RERE: variants seen among roughly 807,000 people sequenced by gnomAD.
RERE encodes the protein arginine-glutamic acid dipeptide repeats.
RERE carries 40 observed loss-of-function variants against 146.1 expected under a neutral mutation model. The observed-to-expected ratio is 0.27, with a 90% CI of 0.21 to 0.36. RERE has a LOEUF of 0.36. Ranked by LOEUF, RERE falls within the 10% of genes least tolerant of loss-of-function variation. The pLI is 1.00. For missense variants in RERE, 1,933 were observed against 2,138.7 expected (o/e 0.90, Z 1.90); for synonymous variants, 1,003 against 866.0 (o/e 1.16, Z -2.78).
rs200389770 is a variant in RERE at position 8,364,770 on chromosome 1, C to T, written c.1516G>A (p.Ala506Thr). Residue 506 changes from alanine (A) to threonine (T), a missense_variant, in exon 14 of 23, where the codon GCC (alanine) becomes ACC (threonine). By Grantham distance (58) the Ala-to-Thr change is moderately conservative (BLOSUM62 0). Around this residue, in one of 11 missense-constraint regions of RERE, gnomAD observed 260 missense variants for 378.4 expected, o/e 0.69. Transcript: ENST00000400908. This position sits in a 1 kb window ranked among gnomAD's most constrained non-coding sequence, Gnocchi z 5.1. ...EDSEQELKGY[A>T]CRHCFTTTSK... is the part of the protein sequence containing the mutation. ...CTGGTGGTGAAGCAGTGGCGGCAGG[C>T]GTACCCCTTCAGCTCCTGCTCACTG... 2.5e-6 allele frequency: 4 copies of T among 1,613,708 alleles called. No homozygotes were observed. Among genetic ancestry groups the T allele is most frequent in the Non-Finnish European group, 3.4e-6 (4 of 1,179,880 alleles).
chr1:8,728,082 T>G, intron 1 of RERE, among the ~76,000 whole-genome samples: 1 of 152,240 alleles, frequency 6.6e-6, no homozygotes, highest in East Asian at 1.9e-4. Flanking sequence ...TTTCAGCTCC[T>G]GGCAGTTCCT....
At chr1:8,809,774 T>G (rs1356118016) in intron 1 of RERE, among the ~76,000 whole-genome samples, 1 of 152,266 alleles carries the variant, frequency 6.6e-6, no homozygotes, top group Non-Finnish European at 1.5e-5. Flanking sequence ...CAGGAAAACT[T>G]TCTGCCTTCA....
chr1:8,490,102 C>A (rs1050074302), intron 10 of RERE, among the ~76,000 whole-genome samples: 1 of 151,010 alleles, frequency 6.6e-6, no homozygotes, highest in African/African-American at 2.4e-5. Context: ...GTGGCTCACG[C>A]CTGTAATCCC....
intron 10 of RERE, among the ~76,000 whole-genome samples, chr1:8,472,349 A>C (rs1644700258): frequency 6.6e-6 from 1 of 152,240 alleles, no homozygotes; most frequent in Non-Finnish European, 1.5e-5. Flanking sequence ...ACACCTGATC[A>C]CGACCACACA....
chr1:8,370,240 T>C (rs1641983495), intron 12 of RERE, among the ~76,000 whole-genome samples: 2 of 151,886 alleles, frequency 1.3e-5, no homozygotes, highest in Admixed American at 1.3e-4. Context: ...AACACCATGC[T>C]GCATGAAAGC....
chr1:8,486,773 G>GA (rs1644906268), intron 10 of RERE, among the ~76,000 whole-genome samples: 2 of 97,550 alleles, frequency 2.1e-5, no homozygotes, highest in African/African-American at 7.5e-5. Flanking sequence ...AAAAAAAAAA[G>GA]AAAAGAAAGA....
At chr1:8,666,302 T>C (rs1638572660) in intron 1 of RERE, among the ~76,000 whole-genome samples, 1 of 152,220 alleles carries the variant, frequency 6.6e-6, no homozygotes, top group African/African-American at 2.4e-5. Context: ...CCTCAAGTAC[T>C]TTTGCCTGTG....
intron 7 of RERE, among the ~76,000 whole-genome samples, chr1:8,524,924 GAGAAT>G (rs1645551557): frequency 6.6e-6 from 1 of 152,160 alleles, no homozygotes; most frequent in South Asian, 2.1e-4. Flanking sequence ...CTCCATTTAA[GAGAAT>G]AGAATTCCAA....
intron 6 of RERE, among the ~76,000 whole-genome samples, chr1:8,544,585 T>G (rs565601691): frequency 6.6e-6 from 1 of 152,140 alleles, no homozygotes; most frequent in Non-Finnish European, 1.5e-5. Context: ...AAATAATTTA[T>G]AGTGAGAGAA....
intron 9 of RERE, among the ~76,000 whole-genome samples, chr1:8,495,380 T>A (rs1645032600): frequency 6.6e-6 from 1 of 151,860 alleles, no homozygotes; most frequent in African/African-American, 2.4e-5. Flanking sequence ...AGTGGCGCAA[T>A]CTTGGCTCAC....
chr1:8,754,722 AT>A (rs1415569500), intron 1 of RERE, among the ~76,000 whole-genome samples: 1 of 152,188 alleles, frequency 6.6e-6, no homozygotes, highest in Non-Finnish European at 1.5e-5. Context: ...AAACATAAAG[AT>A]TTTCAGTGAC....
intron 4 of RERE, among the ~76,000 whole-genome samples, chr1:8,587,627 C>A (rs746793908): frequency 1.3e-5 from 2 of 152,174 alleles, no homozygotes; most frequent in Non-Finnish European, 2.9e-5. Context: ...ATCACATACT[C>A]ATCTGCTAAA....
At chr1:8,682,185 T>C (rs1638986440) in intron 1 of RERE, among the ~76,000 whole-genome samples, 2 of 152,192 alleles carry the variant, frequency 1.3e-5, no homozygotes, top group Admixed American at 6.5e-5. Flanking sequence ...TGCTTAGTAA[T>C]AGGTGAAATG....
Position 8,455,914 on chromosome 1 carries a change from G to A in RERE, c.1203+10011C>T, listed in dbSNP as rs944708275. Among the ~76,000 whole-genome samples the A allele has an allele frequency of 3.3e-5, 5 of 152,160 alleles. No homozygotes were observed. The East Asian group carries it at 7.7e-4, about 23-fold the overall frequency. On this transcript the variant is annotated intron_variant, in intron 11 of 22. Coordinates refer to ENST00000400908, the MANE Select transcript of RERE (RefSeq NM_001042681.2). ...GCCACTCCTCATTCTAAAGTGCCTC[G>A]TGAGCACCCTAACCTCTCAGAAGAA...
chr1:8,662,015 T>C (rs1392660065), intron 1 of RERE, among the ~76,000 whole-genome samples: 1 of 152,226 alleles, frequency 6.6e-6, no homozygotes, highest in Admixed American at 6.5e-5. Flanking sequence ...TTTAAGTATA[T>C]TCCTCTCAAT....
intron 1 of RERE, among the ~76,000 whole-genome samples, chr1:8,805,705 T>C (rs1244438641): frequency 6.6e-6 from 1 of 150,924 alleles, no homozygotes; most frequent in Non-Finnish European, 1.5e-5. Context: ...TGTGTGCCTG[T>C]AGTCCCAGCT....
At chr1:8,512,644 A>G (rs1181207847) in intron 7 of RERE, 1 of 151,944 alleles carries the variant, frequency 6.6e-6, no homozygotes, top group Non-Finnish European at 1.5e-5. Context: ...TAGCTCCTCA[A>G]CCCCGCAAGC....
chr1:8,362,453 T>C (rs1032855065), intron 16 of RERE, among the ~76,000 whole-genome samples: 4 of 152,152 alleles, frequency 2.6e-5, no homozygotes, highest in African/African-American at 9.7e-5. Flanking sequence ...TTCTGAGAAC[T>C]TGGGAAGCTT....
At chr1:8,427,855 G>A (rs1394406288) in intron 11 of RERE, among the ~76,000 whole-genome samples, 2 of 152,190 alleles carry the variant, frequency 1.3e-5, no homozygotes, top group Non-Finnish European at 2.9e-5. Context: ...ACACGTGAAA[G>A]AGACTTCTGT....
Sources: allele counts gnomAD v4.1 joint callset (sites outside exome capture counted in the v4.1 genomes callset), GRCh38; gene constraint gnomAD v4.1.1; regional missense constraint gnomAD v4.1.1; non-coding constraint Gnocchi (gnomAD v3.1); transcripts MANE v1.5; gene names NCBI Gene and HGNC (gene_info 2026-07-23, HGNC 2026-07-21).